The following MAF variants were observed in gnomAD, a reference collection of about 807,000 sequenced individuals.
The protein encoded by MAF is MAF bZIP transcription factor.
Under a neutral mutation model 22.0 loss-of-function variants are expected in MAF, and 10 were observed. The ratio of observed to expected loss-of-function variants is 0.45; its 90% confidence interval spans 0.28 to 0.77. MAF has a LOEUF of 0.77. Ranked by LOEUF, MAF falls within the 30% of genes least tolerant of loss-of-function variation. The probability of loss-of-function intolerance (pLI) is 0.12; values close to 1 mark genes in which losing one functional copy is unlikely to be tolerated. For missense variants in MAF, 544 were observed against 548.4 expected (o/e 0.99, Z 0.08); for synonymous variants, 337 against 255.8 (o/e 1.32, Z -3.03).
the MAF span, among the ~76,000 whole-genome samples, chr16:79,558,212 T>A: frequency 6.6e-6 from 1 of 151,450 alleles, no homozygotes; most frequent in African/African-American, 2.4e-5. Flanking sequence ...CCGGAAAGAG[T>A]GTGAAAGAGA....
downstream of MAF, among the ~76,000 whole-genome samples, chr16:79,581,672 GA>G (rs5818246): frequency 6.6e-6 from 1 of 151,970 alleles, no homozygotes; most frequent in African/African-American, 2.4e-5. Context: ...CACTGCATGT[GA>G]AAAAAACACA....
At chr16:79,568,701 T>C in the MAF span, among the ~76,000 whole-genome samples, 2 of 152,190 alleles carry the variant, frequency 1.3e-5, no homozygotes, top group Non-Finnish European at 2.9e-5. Context: ...ACCTGAAAAC[T>C]AGAAATTTGC....
At chr16:79,339,490 CTG>C in the MAF span, among the ~76,000 whole-genome samples, 2 of 152,174 alleles carry the variant, frequency 1.3e-5, no homozygotes, top group African/African-American at 4.8e-5. Context: ...CCCTGAATCA[CTG>C]TATGGAAGAG....
the MAF span, among the ~76,000 whole-genome samples, chr16:79,428,979 T>A: frequency 6.6e-6 from 1 of 152,138 alleles, no homozygotes; most frequent in African/African-American, 2.4e-5. Context: ...CTCCACAGAA[T>A]GCCTGAATAA....
chr16:79,502,708 A>AATACATATAT, the MAF span, among the ~76,000 whole-genome samples: 1 of 34,008 alleles, frequency 2.9e-5, no homozygotes, highest in Non-Finnish European at 5.6e-5. Context: ...TATAAATATA[A>AATACATATAT]ATATATATAT....
chr16:79,440,763 G>C, the MAF span, among the ~76,000 whole-genome samples: 1 of 152,152 alleles, frequency 6.6e-6, no homozygotes, highest in South Asian at 2.1e-4. Context: ...CTTCAGAATG[G>C]CTTGCTGTTA....
At chr16:79,538,846 GAAAGA>G in the MAF span, among the ~76,000 whole-genome samples, 3,331 of 133,940 alleles carry the variant, frequency 0.025, 66 homozygotes, top group African/African-American at 0.043. Flanking sequence ...AGGAAAGAAA[GAAAGA>G]AAAGAAAAGA....
chr16:79,203,273 G>A, the MAF span: 6 of 152,262 alleles, frequency 3.9e-5, no homozygotes, highest in East Asian at 1.2e-3. Context: ...ATATTAACAA[G>A]GCCAGCGTCT....
the MAF span, among the ~76,000 whole-genome samples, chr16:79,498,474 G>A: frequency 1.1e-4 from 16 of 152,210 alleles, no homozygotes; most frequent in Non-Finnish European, 2.1e-4. Flanking sequence ...TCAGCAATGG[G>A]AAAACAGGCT....
the MAF span, among the ~76,000 whole-genome samples, chr16:79,527,852 C>G: frequency 1.3e-5 from 2 of 152,148 alleles, no homozygotes; most frequent in East Asian, 3.9e-4. Context: ...GGTTTTAAAG[C>G]ATGGAGTGGC....
the MAF span, among the ~76,000 whole-genome samples, chr16:79,430,336 C>CG: frequency 6.6e-6 from 1 of 152,224 alleles, no homozygotes; most frequent in African/African-American, 2.4e-5. Flanking sequence ...CACCTTCCCC[C>CG]GGGCTGAGCA....
At chr16:79,562,241 A>G in the MAF span, among the ~76,000 whole-genome samples, 1 of 151,578 alleles carries the variant, frequency 6.6e-6, no homozygotes, top group Admixed American at 6.6e-5. Context: ...ATTGTAATGA[A>G]TTACTTGTGT....
At chr16:79,318,402 T>G in the MAF span, among the ~76,000 whole-genome samples, 1 of 152,174 alleles carries the variant, frequency 6.6e-6, no homozygotes, top group Non-Finnish European at 1.5e-5. Context: ...ATGAGCAATT[T>G]CTGGTGTCCA....
At chr16:79,297,558 C>G in the MAF span, among the ~76,000 whole-genome samples, 1 of 152,124 alleles carries the variant, frequency 6.6e-6, no homozygotes, top group South Asian at 2.1e-4. Context: ...CTTCAGCTTC[C>G]CCGGCTATAA....
the MAF span, among the ~76,000 whole-genome samples, chr16:79,337,012 G>C: frequency 6.6e-6 from 1 of 152,218 alleles, no homozygotes; most frequent in Non-Finnish European, 1.5e-5. Flanking sequence ...ATATCCAAAG[G>C]CATCAAATAA....
the MAF span, among the ~76,000 whole-genome samples, chr16:79,450,900 G>T: frequency 4.6e-5 from 7 of 151,964 alleles, no homozygotes; most frequent in African/African-American, 1.7e-4. Context: ...GAAACTTGAT[G>T]AAAAACTCTA....
the MAF span, among the ~76,000 whole-genome samples, chr16:79,270,308 G>A: frequency 6.6e-6 from 1 of 152,096 alleles, no homozygotes; most frequent in Non-Finnish European, 1.5e-5. Context: ...GAGACAGTGG[G>A]TGGCTGTGTG....
chr16:79,371,592 C>G, the MAF span, among the ~76,000 whole-genome samples: 1 of 152,180 alleles, frequency 6.6e-6, no homozygotes, highest in Admixed American at 6.5e-5. Context: ...CAAGCTCTTT[C>G]TTCCCACCTC....
chr16:79,564,111 G>GC, the MAF span, among the ~76,000 whole-genome samples: 1 of 152,200 alleles, frequency 6.6e-6, no homozygotes, highest in Non-Finnish European at 1.5e-5. Flanking sequence ...GGCCACTGCC[G>GC]CCCCTTCAGG....
Sources: gnomAD v4.1 joint callset for allele counts (sites outside exome capture counted in the v4.1 genomes callset) on GRCh38, gnomAD v4.1.1 for gene constraint, MANE v1.5 for transcripts, NCBI Gene and HGNC (gene_info 2026-07-23, HGNC 2026-07-21) for gene names.